EYS: variants seen among roughly 807,000 people sequenced by gnomAD.
EYS encodes protein eyes shut homolog.
Under a neutral mutation model 282.1 loss-of-function variants are expected in EYS, and 250 were observed. That is an observed-to-expected ratio of 0.89 (90% CI 0.80 to 0.98). EYS has a LOEUF of 0.98. EYS is among the 50% of genes least tolerant of loss of function. The pLI is 0.00. For synonymous variants in EYS, 1,355 were observed against 1,282.9 expected, an observed-to-expected ratio of 1.06 and a Z score of -1.20; for missense variants, 4,016 against 3,709.0, an observed-to-expected ratio of 1.08 and a Z score of -2.15.
chr6:64,537,000 A>G (rs1764536780), intron 26 of EYS, among the ~76,000 whole-genome samples: 1 of 149,340 alleles, frequency 6.7e-6, no homozygotes, highest in Non-Finnish European at 1.5e-5. Context: ...TGTAAAATTT[A>G]TTTATTTTGT....
chr6:64,274,858 T>C (rs1768059293), intron 30 of EYS, among the ~76,000 whole-genome samples: 2 of 152,104 alleles, frequency 1.3e-5, no homozygotes, highest in African/African-American at 4.8e-5. Context: ...CAATCCCTAT[T>C]TGTTGACTGA....
At chr6:63,760,444 G>T (rs1010134997) in intron 41 of EYS, among the ~76,000 whole-genome samples, 14 of 151,970 alleles carry the variant, frequency 9.2e-5, no homozygotes, top group African/African-American at 2.9e-4. Flanking sequence ...ATATTTTAAT[G>T]AGTACTCTGG....
intron 12 of EYS, among the ~76,000 whole-genome samples, chr6:65,132,889 G>A (rs1370968677): frequency 6.6e-6 from 1 of 151,716 alleles, no homozygotes. Context: ...ACCAACGTAC[G>A]AAAATCACTA....
chr6:64,112,023 C>A (rs766172613), intron 31 of EYS, among the ~76,000 whole-genome samples: 1 of 151,980 alleles, frequency 6.6e-6, no homozygotes, highest in Non-Finnish European at 1.5e-5. Flanking sequence ...TTATTCCATG[C>A]AGCTGGTTAA....
intron 26 of EYS, among the ~76,000 whole-genome samples, chr6:64,499,640 T>A (rs551581002): frequency 6.6e-6 from 1 of 152,222 alleles, no homozygotes; most frequent in South Asian, 2.1e-4. Context: ...GTCTTTTTTT[T>A]AGGCTGCTTT....
At chr6:64,784,342 T>C (rs1452970714) in intron 22 of EYS, among the ~76,000 whole-genome samples, 1 of 152,182 alleles carries the variant, frequency 6.6e-6, no homozygotes, top group Non-Finnish European at 1.5e-5. Context: ...GTCCGTGATA[T>C]AAGATCTATT....
intron 19 of EYS, among the ~76,000 whole-genome samples, chr6:64,856,961 A>C (rs1182337150): frequency 6.6e-6 from 1 of 152,178 alleles, no homozygotes; most frequent in Non-Finnish European, 1.5e-5. Flanking sequence ...TAATCTTTAG[A>C]AAATATGTAA....
At chr6:63,836,444 G>A (rs1284814587) in intron 36 of EYS, among the ~76,000 whole-genome samples, 1 of 151,864 alleles carries the variant, frequency 6.6e-6, no homozygotes, top group African/African-American at 2.4e-5. Flanking sequence ...AACACAGACT[G>A]TTCTAGGAGC....
At chr6:65,632,476 T>A (rs1766951273) in intron 2 of EYS, among the ~76,000 whole-genome samples, 2 of 152,168 alleles carry the variant, frequency 1.3e-5, no homozygotes, top group South Asian at 4.1e-4. Context: ...AAATACAAAT[T>A]TTCTTCTTTT....
intron 35 of EYS, among the ~76,000 whole-genome samples, chr6:63,923,283 GA>G (rs1159439978): frequency 6.6e-6 from 1 of 151,918 alleles, no homozygotes; most frequent in Non-Finnish European, 1.5e-5. Context: ...CTTTTTTCAA[GA>G]ACATTTTATG....
chr6:64,634,818 T>C (rs1767916483), intron 22 of EYS, among the ~76,000 whole-genome samples: 1 of 152,196 alleles, frequency 6.6e-6, no homozygotes, highest in African/African-American at 2.4e-5. Flanking sequence ...TTAAGAACAT[T>C]CAATATAAAA....
chr6:64,682,503 C>T (rs950036469), intron 22 of EYS, among the ~76,000 whole-genome samples: 42 of 152,114 alleles, frequency 2.8e-4, no homozygotes, highest in Admixed American at 2.8e-3. Context: ...GATGCAACTT[C>T]CTGGGCATGT....
intron 29 of EYS, among the ~76,000 whole-genome samples, chr6:64,340,059 A>C (rs1190150653): frequency 6.6e-6 from 1 of 151,746 alleles, no homozygotes; most frequent in Non-Finnish European, 1.5e-5. Flanking sequence ...AAAAATGTTT[A>C]AATTAGCATA....
At chr6:65,583,796 C>T (rs1378144182) in intron 2 of EYS, among the ~76,000 whole-genome samples, 1 of 151,846 alleles carries the variant, frequency 6.6e-6, no homozygotes, top group Non-Finnish European at 1.5e-5. Context: ...CATTTATATT[C>T]ACAGTTTACA....
At chr6:64,176,481 A>T (rs1430048375) in intron 31 of EYS, among the ~76,000 whole-genome samples, 1 of 151,618 alleles carries the variant, frequency 6.6e-6, no homozygotes, top group Non-Finnish European at 1.5e-5. Flanking sequence ...TAGCAGAATA[A>T]ATTTTAACAT....
chr6:64,373,851 C>A (rs1772473787), intron 29 of EYS, among the ~76,000 whole-genome samples: 2 of 152,046 alleles, frequency 1.3e-5, no homozygotes, highest in Non-Finnish European at 2.9e-5. Flanking sequence ...GGTCATGCAC[C>A]CTGCTTTCCA....
chr6:65,656,811 G>T (rs546159032), intron 1 of EYS, among the ~76,000 whole-genome samples: 7 of 151,950 alleles, frequency 4.6e-5, no homozygotes, highest in African/African-American at 1.7e-4. Flanking sequence ...ATTTTCAATG[G>T]AAACAAAACA....
At chr6:63,960,478 CTGGT>C (rs1766012264) in intron 35 of EYS, among the ~76,000 whole-genome samples, 1 of 152,068 alleles carries the variant, frequency 6.6e-6, no homozygotes, top group South Asian at 2.1e-4. Context: ...ATACATAAAC[CTGGT>C]TGATAAAGCA....
At chr6:65,111,638 A>G (rs987354290) in intron 12 of EYS, among the ~76,000 whole-genome samples, 1 of 152,132 alleles carries the variant, frequency 6.6e-6, no homozygotes, top group Admixed American at 6.5e-5. Flanking sequence ...ACCTGAGGTC[A>G]GGAGTTCGAG....
Sources: allele counts gnomAD v4.1 joint callset (sites outside exome capture counted in the v4.1 genomes callset), GRCh38; gene constraint gnomAD v4.1.1; transcripts MANE v1.5; gene names NCBI Gene and HGNC (gene_info 2026-07-23, HGNC 2026-07-21).